NRG1: variants seen among roughly 807,000 people sequenced by gnomAD.
The protein encoded by NRG1 is pro-neuregulin-1, membrane-bound isoform.
Under a neutral mutation model 63.8 loss-of-function variants are expected in NRG1, and 18 were observed. The ratio of observed to expected loss-of-function variants is 0.28; its 90% CI spans 0.19 to 0.42. The LOEUF is 0.42. NRG1 is among the 10% of genes least tolerant of loss of function. The pLI is 1.00. For missense variants in NRG1, 762 were observed against 814.7 expected, an observed-to-expected ratio of 0.94 and a Z score of 0.79; for synonymous variants, 302 against 301.3, an observed-to-expected ratio of 1.00 and a Z score of -0.02.
intron 1 of NRG1, among the ~76,000 whole-genome samples, chr8:32,060,230 C>T: frequency 6.6e-6 from 1 of 151,214 alleles, no homozygotes; most frequent in African/African-American, 2.4e-5. Flanking sequence ...ATTTATTATT[C>T]TTGCTGGTCT....
At chr8:32,717,616 T>C (rs1224993881) in intron 5 of NRG1, among the ~76,000 whole-genome samples, 6 of 152,170 alleles carry the variant, frequency 3.9e-5, no homozygotes, top group Non-Finnish European at 8.8e-5. Flanking sequence ...ATTTCTGGCC[T>C]CAGTGAGGAA....
chr8:31,951,819 A>T (rs2129623380), intron 1 of NRG1, among the ~76,000 whole-genome samples: 1 of 152,306 alleles, frequency 6.6e-6, no homozygotes, highest in African/African-American at 2.4e-5. Context: ...TATGGAAAAT[A>T]CCTTTTTGAT....
intron 1 of NRG1, among the ~76,000 whole-genome samples, chr8:31,932,788 A>G (rs73580646): frequency 0.036 from 5,422 of 152,266 alleles, 349 homozygotes; most frequent in African/African-American, 0.12. Context: ...TCTGAAAATC[A>G]GAGTGCTGAA....
intron 1 of NRG1, among the ~76,000 whole-genome samples, chr8:31,655,710 G>T (rs930067483): frequency 6.6e-6 from 1 of 152,218 alleles, no homozygotes; most frequent in African/African-American, 2.4e-5. Context: ...TGGACTAAAA[G>T]GGAATAAGAG....
chr8:32,530,780 C>T (rs973572073), intron 1 of NRG1, among the ~76,000 whole-genome samples: 2 of 151,994 alleles, frequency 1.3e-5, no homozygotes, highest in African/African-American at 2.4e-5. Context: ...ATTGGGTATT[C>T]GGGGCTTAAA....
intron 1 of NRG1, among the ~76,000 whole-genome samples, chr8:31,737,054 T>G (rs1814749243): frequency 6.6e-6 from 1 of 152,166 alleles, no homozygotes; most frequent in South Asian, 2.1e-4. Flanking sequence ...AGGCCAAGAC[T>G]GGGTCTAAGA....
At position 31,808,572 on chromosome 8, in the gene NRG1, C is replaced by A. The variant is rs114102528; in HGVS notation, c.37+169141C>A. Among the ~76,000 whole-genome samples the A allele has an allele frequency of 6.0e-3, 908 of 151,998 alleles. 13 individuals are homozygous for A. Among genetic ancestry groups the A allele is most frequent in the African/African-American group, 0.02 (819 of 41,524 alleles). On this transcript the variant is annotated intron_variant, in intron 1 of 10. Coordinates refer to the NRG1 transcript ENST00000519301. ...AATTGAGGTTTTTTGTGCTGTTCTTCTTCCATCTTTTTTAAACTAATGAAT... is the reference window on the plus strand; with the variant it reads ...AATTGAGGTTTTTTGTGCTGTTCTTATTCCATCTTTTTTAAACTAATGAAT...
intron 1 of NRG1, among the ~76,000 whole-genome samples, chr8:32,439,426 CT>C (rs1249763632): frequency 2.0e-5 from 3 of 152,096 alleles, no homozygotes; most frequent in African/African-American, 7.2e-5. Flanking sequence ...TAAATCTTAA[CT>C]GCCTTTTGAT....
chr8:31,740,761 C>A (rs2131398078), intron 1 of NRG1, among the ~76,000 whole-genome samples: 1 of 151,916 alleles, frequency 6.6e-6, no homozygotes, highest in Non-Finnish European at 1.5e-5. Context: ...TAGATGAGGG[C>A]AGAGGTGTGG....
intron 5 of NRG1, among the ~76,000 whole-genome samples, chr8:32,691,880 A>G (rs1811784612): frequency 6.6e-6 from 1 of 152,180 alleles, no homozygotes; most frequent in Non-Finnish European, 1.5e-5. Flanking sequence ...CTTGATAATT[A>G]AAAGAGAATT....
chr8:31,729,078 A>G (rs1241756601), intron 1 of NRG1, among the ~76,000 whole-genome samples: 3 of 152,160 alleles, frequency 2.0e-5, no homozygotes, highest in Non-Finnish European at 4.4e-5. Context: ...ATTTTTGTAT[A>G]TATACTTATT....
At chr8:32,133,248 T>C (rs985919434) in intron 1 of NRG1, among the ~76,000 whole-genome samples, 1 of 152,056 alleles carries the variant, frequency 6.6e-6, no homozygotes, top group African/African-American at 2.4e-5. Context: ...GGTGTGCTGG[T>C]GTAACAATCA....
chr8:32,217,213 CAAAAAA>C, intron 1 of NRG1, among the ~76,000 whole-genome samples: 1 of 101,176 alleles, frequency 9.9e-6, no homozygotes, highest in African/African-American at 3.8e-5. Context: ...GACCCTGTCT[CAAAAAA>C]AAAAAAAAAA....
chr8:31,930,987 C>A (rs1015858261), intron 1 of NRG1, among the ~76,000 whole-genome samples: 11 of 152,130 alleles, frequency 7.2e-5, no homozygotes, highest in Non-Finnish European at 1.3e-4. Context: ...GGATTTGTAT[C>A]ATTTCTCTGT....
intron 1 of NRG1, among the ~76,000 whole-genome samples, chr8:32,555,158 TC>T (rs1390067398): frequency 2.6e-5 from 4 of 152,160 alleles, no homozygotes; most frequent in African/African-American, 9.7e-5. Context: ...TCTAGGAATT[TC>T]CCCCAAGAGA....
At chr8:32,601,821 T>A (rs1844410341) in intron 2 of NRG1, among the ~76,000 whole-genome samples, 1 of 152,140 alleles carries the variant, frequency 6.6e-6, no homozygotes, top group Non-Finnish European at 1.5e-5. Context: ...GGGGCTTTTA[T>A]CCAAGTTGAT....
At chr8:32,576,557 A>AAAAAC (rs1839671323) in intron 1 of NRG1, among the ~76,000 whole-genome samples, 3 of 152,210 alleles carry the variant, frequency 2.0e-5, no homozygotes, top group Admixed American at 6.5e-5. Context: ...TTTTTCTTAA[A>AAAAAC]AAAACAAAAC....
chr8:32,645,881 TTG>T (rs149110914), intron 5 of NRG1, among the ~76,000 whole-genome samples: 4,116 of 152,322 alleles, frequency 0.027, 82 homozygotes, highest in Middle Eastern at 0.095. Flanking sequence ...TTAATGACTG[TTG>T]TTTTAAAAGA....
chr8:32,482,889 C>G (rs772105294), intron 1 of NRG1, among the ~76,000 whole-genome samples: 10 of 152,178 alleles, frequency 6.6e-5, no homozygotes, highest in African/African-American at 1.9e-4. Flanking sequence ...GTTCTTACAC[C>G]AGGTTGATGT....
Sources: gnomAD v4.1 joint callset for allele counts (sites outside exome capture counted in the v4.1 genomes callset) on GRCh38, gnomAD v4.1.1 for gene constraint, MANE v1.5 for transcripts, NCBI Gene and HGNC (gene_info 2026-07-23, HGNC 2026-07-21) for gene names.